The following NBEA variants were observed in gnomAD, a reference collection of about 807,000 sequenced individuals.
NBEA encodes the protein lysosomal-trafficking regulator 2.
A neutral mutation model predicts 343.4 loss-of-function variants in NBEA; 44 were observed. The ratio of observed to expected loss-of-function variants is 0.13; its 90% CI spans 0.10 to 0.16. The LOEUF (loss-of-function observed/expected upper bound fraction) is 0.16, where lower values mean the gene tolerates loss of function less well. Among genes scored for constraint, NBEA ranks in the 10% least tolerant of loss-of-function variants. The pLI, the probability that NBEA is intolerant of heterozygous loss-of-function variation, is 1.00. For missense variants in NBEA, 2,555 were observed against 3,631.3 expected (o/e 0.70, Z 7.62); for synonymous variants, 1,175 against 1,238.7 (o/e 0.95, Z 1.08).
intron 49 of NBEA, among the ~76,000 whole-genome samples, chr13:35,639,589 G>A (rs1299848585): frequency 6.6e-6 from 1 of 152,020 alleles, no homozygotes; most frequent in Non-Finnish European, 1.5e-5. Flanking sequence ...GCACTTTTAA[G>A]TATTAAAAGC....
intron 25 of NBEA, 30 bp downstream of exon 25, chr13:35,169,025 C>A: frequency 2.0e-6 from 3 of 1,463,766 alleles, no homozygotes; most frequent in Non-Finnish European, 2.7e-6. Flanking sequence ...TAATTTTCAG[C>A]TTTCAGTTTC....
chr13:35,530,970 C>G lies in NBEA; in HGVS notation c.6586-19507C>G, dbSNP rs181783013. On this transcript the variant is annotated intron_variant, in intron 41 of 58. Coordinates refer to ENST00000379939, the MANE Select transcript of NBEA (RefSeq NM_001385012.1). ...GTTTTCTGCCTGTGTTCATAGGCTTCGACGTCAGAAAGAGAAATTACGGAA... is the reference window on the plus strand; with the variant it reads ...GTTTTCTGCCTGTGTTCATAGGCTTGGACGTCAGAAAGAGAAATTACGGAA... Among the ~76,000 whole-genome samples, 5 of 152,148 alleles carry G rather than the reference C, an allele frequency of 3.3e-5. No homozygotes were observed. In the East Asian group the frequency reaches 9.7e-4, roughly 29 times the overall value.
chr13:35,235,680 T>C (rs1017773252), intron 34 of NBEA, among the ~76,000 whole-genome samples: 12 of 152,210 alleles, frequency 7.9e-5, no homozygotes, highest in Non-Finnish European at 1.3e-4. Flanking sequence ...CTGTGTGTAG[T>C]TATTTCCCAG....
rs1272204304 is a variant in NBEA at position 35,507,011 on chromosome 13, A to T, written c.6585+34475A>T. ...GTCCCCCTTAAAGCTATCTCCAATGACTTCTTTCTTTCTTTGTCTTAAAAC... is the reference window on the plus strand; with the variant it reads ...GTCCCCCTTAAAGCTATCTCCAATGTCTTCTTTCTTTCTTTGTCTTAAAAC... On this transcript the variant is annotated intron_variant, in intron 41 of 58. Transcript: ENST00000379939. Among the ~76,000 whole-genome samples the T allele has an allele frequency of 6.6e-5, 10 of 152,036 alleles. No homozygotes were observed. The South Asian group carries it at 1.5e-3, about 22-fold the overall frequency.
At chr13:35,366,301 T>G (rs1486767171) in intron 38 of NBEA, among the ~76,000 whole-genome samples, 1 of 151,474 alleles carries the variant, frequency 6.6e-6, no homozygotes, top group East Asian at 1.9e-4. Flanking sequence ...TACAGAAACA[T>G]TCTATTATAC....
intron 1 of NBEA, among the ~76,000 whole-genome samples, chr13:35,040,456 T>C (rs1224173940): frequency 1.3e-5 from 2 of 152,286 alleles, no homozygotes; most frequent in East Asian, 1.9e-4. Flanking sequence ...TCAATATTTC[T>C]TATAAGTTGT....
intron 38 of NBEA, among the ~76,000 whole-genome samples, chr13:35,365,465 C>G (rs2041046744): frequency 6.6e-6 from 1 of 151,626 alleles, no homozygotes; most frequent in Admixed American, 6.6e-5. Context: ...CTATCACAGT[C>G]TCTTAGTCTA....
intron 31 of NBEA, among the ~76,000 whole-genome samples, chr13:35,201,973 T>C (rs1192358002): frequency 6.6e-6 from 1 of 152,134 alleles, no homozygotes; most frequent in Non-Finnish European, 1.5e-5. Context: ...GTGAAGCTGA[T>C]GAAAATTCTG....
chr13:35,129,054 C>G (rs1298271984), intron 17 of NBEA, among the ~76,000 whole-genome samples: 1 of 125,242 alleles, frequency 8.0e-6, no homozygotes, highest in Non-Finnish European at 1.6e-5. Flanking sequence ...TGTGATGTTT[C>G]TCCTTAAACA....
intron 31 of NBEA, among the ~76,000 whole-genome samples, chr13:35,203,927 G>A (rs1204290879): frequency 1.3e-5 from 2 of 152,136 alleles, no homozygotes; most frequent in South Asian, 2.1e-4. Context: ...TTGAAATTGT[G>A]TGGAAAGCAT....
chr13:35,663,174 G>A (rs933410987), intron 55 of NBEA, among the ~76,000 whole-genome samples: 20 of 152,088 alleles, frequency 1.3e-4, no homozygotes, highest in African/African-American at 4.1e-4. Flanking sequence ...ATTATTAGCC[G>A]TAGTCACCCT....
intron 1 of NBEA, among the ~76,000 whole-genome samples, chr13:34,968,267 A>T (rs2059890884): frequency 6.6e-6 from 1 of 152,132 alleles, no homozygotes; most frequent in Non-Finnish European, 1.5e-5. Flanking sequence ...TTGAGTTCTT[A>T]TCAAGGCTTC....
intron 6 of NBEA, among the ~76,000 whole-genome samples, chr13:35,054,671 T>C (rs2152565512): frequency 6.8e-6 from 1 of 146,214 alleles, no homozygotes; most frequent in African/African-American, 2.5e-5. Flanking sequence ...TGAGACAAAG[T>C]CTTGCCCTGT....
At chr13:35,050,741 T>C (rs1273547608) in intron 6 of NBEA, among the ~76,000 whole-genome samples, 1 of 152,024 alleles carries the variant, frequency 6.6e-6, no homozygotes, top group Non-Finnish European at 1.5e-5. Context: ...AGTTAAATGT[T>C]AAACCCCCAG....
At chr13:35,251,214 T>C in intron 34 of NBEA, 1 of 265,322 alleles carries the variant, frequency 3.8e-6, no homozygotes, top group Admixed American at 4.5e-5. Context: ...ATCCCATGGG[T>C]ACAGAAACCA....
intron 27 of NBEA, 131 bp downstream of exon 27, chr13:35,173,725 C>G: frequency 1.4e-6 from 1 of 726,234 alleles, no homozygotes; most frequent in Non-Finnish European, 2.0e-6. Context: ...CAGCTCTAGG[C>G]TGCTTAACAA....
chr13:35,232,862 G>T (rs991180377), intron 34 of NBEA, among the ~76,000 whole-genome samples: 8 of 152,044 alleles, frequency 5.3e-5, no homozygotes, highest in Non-Finnish European at 7.4e-5. Context: ...CAGAATGGGA[G>T]GCTTTGGCTC....
chr13:35,451,122 T>C (rs918700421), intron 39 of NBEA, among the ~76,000 whole-genome samples: 2 of 152,132 alleles, frequency 1.3e-5, no homozygotes, highest in African/African-American at 4.8e-5. Flanking sequence ...GCTTTTTGTG[T>C]TTTTGTTTGT....
chr13:35,586,056 T>C (rs1245817920), intron 46 of NBEA, among the ~76,000 whole-genome samples: 2 of 152,208 alleles, frequency 1.3e-5, no homozygotes, highest in Non-Finnish European at 2.9e-5. Context: ...ATTAAATCTC[T>C]TAATCAATAA....
Sources: allele counts gnomAD v4.1 joint callset (sites outside exome capture counted in the v4.1 genomes callset), GRCh38; gene constraint gnomAD v4.1.1; transcripts MANE v1.5; gene names NCBI Gene and HGNC (gene_info 2026-07-23, HGNC 2026-07-21).